Variants in ADAMTS9 observed in about 807,000 individuals in gnomAD.
ADAMTS9 encodes A disintegrin and metalloproteinase with thrombospondin motifs 9.
Under a neutral mutation model 257.1 loss-of-function variants are expected in ADAMTS9, and 107 were observed. The observed-to-expected ratio is 0.42, with a 90% CI of 0.36 to 0.49. The LOEUF (loss-of-function observed/expected upper bound fraction) is 0.49, where lower values mean the gene tolerates loss of function less well. ADAMTS9 is among the 20% of genes least tolerant of loss of function. ADAMTS9 has a pLI of 0.03. For synonymous variants in ADAMTS9, 982 were observed against 880.9 expected (o/e 1.11, Z -2.03); for missense variants, 2,353 against 2,469.1 (o/e 0.95, Z 1.00).
At chr3:64,583,623 C>T (rs2084060615) in intron 28 of ADAMTS9, 1 of 152,200 alleles carries the variant, frequency 6.6e-6, no homozygotes, top group African/African-American at 2.4e-5. Flanking sequence ...ATTGTAACAA[C>T]CAAAACTGTC....
chr3:64,672,483 G>C (rs906505961), intron 3 of ADAMTS9, among the ~76,000 whole-genome samples: 2 of 152,158 alleles, frequency 1.3e-5, no homozygotes, highest in Non-Finnish European at 2.9e-5. Context: ...AGGAGTTTGA[G>C]ACAAGCCTGG....
intron 19 of ADAMTS9, among the ~76,000 whole-genome samples, chr3:64,616,465 T>C (rs1320272985): frequency 6.6e-6 from 1 of 152,220 alleles, no homozygotes; most frequent in Admixed American, 6.5e-5. Flanking sequence ...GAAAACATTT[T>C]TTTCAAGTGT....
chr3:64,633,036 C>T (rs564587553), intron 14 of ADAMTS9, among the ~76,000 whole-genome samples: 3 of 152,206 alleles, frequency 2.0e-5, no homozygotes, highest in Non-Finnish European at 2.9e-5. Flanking sequence ...TAAAAATGAT[C>T]GTGGTTAAAA....
intron 28 of ADAMTS9, among the ~76,000 whole-genome samples, chr3:64,591,773 C>T (rs1276120189): frequency 6.6e-6 from 1 of 152,180 alleles, no homozygotes; most frequent in Non-Finnish European, 1.5e-5. Context: ...GCAGCAGTTG[C>T]TTCTTGACAT....
chr3:64,671,734 A>T (rs1701494208), intron 3 of ADAMTS9, among the ~76,000 whole-genome samples: 1 of 152,162 alleles, frequency 6.6e-6, no homozygotes, highest in Admixed American at 6.5e-5. Context: ...ACCACATCAG[A>T]TCTTGCATTT....
chr3:64,579,810 T>C (rs1247023426), intron 28 of ADAMTS9, among the ~76,000 whole-genome samples: 1 of 152,202 alleles, frequency 6.6e-6, no homozygotes, highest in Non-Finnish European at 1.5e-5. Context: ...GTCTCTTATA[T>C]CCATTCAGTC....
chr3:64,545,962 G>T (rs907664334), intron 32 of ADAMTS9, among the ~76,000 whole-genome samples: 1 of 152,018 alleles, frequency 6.6e-6, no homozygotes, highest in African/African-American at 2.4e-5. Flanking sequence ...AGTCTTCCAG[G>T]GCAGTCCCAA....
chr3:64,622,240 T>C lies in ADAMTS9; in HGVS notation c.2644A>G (p.Asn882Asp). The C allele has an allele frequency of 6.2e-7, 1 of 1,614,026 alleles. No individual in the cohort carries two copies. Among genetic ancestry groups the C allele is most frequent in the Non-Finnish European group, 8.5e-7 (1 of 1,179,960 alleles). The change falls in exon 18 of 40, where the codon AAC becomes GAC. Residue 882 changes from asparagine to aspartate, a missense_variant. Coordinates refer to ENST00000498707, the MANE Select transcript of ADAMTS9 (RefSeq NM_182920.2). Reference sequence around the variant, plus strand: ...CATGCTTGCCATGGCCCATGACTGTTCCAGTAAAACTGCTGAGGTTTATCT... The same window carrying C: ...CATGCTTGCCATGGCCCATGACTGTCCCAGTAAAACTGCTGAGGTTTATCT... ...IEDKPQQFYW[N>D]SHGPWQACSK...
chr3:64,627,952 T>C (rs1457062118), intron 16 of ADAMTS9, among the ~76,000 whole-genome samples: 1 of 152,190 alleles, frequency 6.6e-6, no homozygotes, highest in Non-Finnish European at 1.5e-5. Context: ...AGTAAATATT[T>C]ACATATGCCA....
At position 64,686,768 on chromosome 3, in the gene ADAMTS9, C is replaced by T. The variant is rs527419301; in HGVS notation, c.316G>A (p.Gly106Ser). 1 of 1,613,994 alleles carries T rather than the reference C, an allele frequency of 6.2e-7. No homozygotes were observed. Among genetic ancestry groups the T allele is most frequent in the East Asian group, 2.2e-5 (1 of 44,850 alleles). Residue 106 changes from glycine (G) to serine (S), a missense_variant, in exon 2 of 40, where the codon GGC (glycine) becomes AGC (serine). By Grantham distance (56) the Gly-to-Ser change is moderately conservative. Coordinates refer to ENST00000498707, the MANE Select transcript of ADAMTS9 (RefSeq NM_182920.2). This position sits in a 1 kb window ranked among gnomAD's most constrained non-coding sequence, Gnocchi z 4.6. ...GTGAGATTAAATAGAAACTGCTGGCCGAAGGCAGAGAGGCGGTAATGCGCC... is the reference window on the plus strand; with the variant it reads ...GTGAGATTAAATAGAAACTGCTGGCTGAAGGCAGAGAGGCGGTAATGCGCC... Reference protein sequence around the residue: ...SQAHYRLSAFGQQFLFNLTAN... With the variant: ...SQAHYRLSAFSQQFLFNLTAN...
At chr3:64,649,935 G>A in intron 9 of ADAMTS9, 157 bp from the exon 10 acceptor site, 1 of 943,426 alleles carries the variant, frequency 1.1e-6, no homozygotes, top group Non-Finnish European at 1.5e-6. Flanking sequence ...AAATCCAGAT[G>A]CTGAAGTTAC....
At chr3:64,639,299 T>TTTTTG (rs1319333593) in intron 12 of ADAMTS9, among the ~76,000 whole-genome samples, 3 of 144,296 alleles carry the variant, frequency 2.1e-5, no homozygotes, top group South Asian at 2.2e-4. Context: ...GATTGTTTTT[T>TTTTTG]TTTTTTTTTT....
At chr3:64,567,696 C>A (rs2083577000) in intron 29 of ADAMTS9, among the ~76,000 whole-genome samples, 1 of 152,002 alleles carries the variant, frequency 6.6e-6, no homozygotes, top group South Asian at 2.1e-4. Context: ...CTTGGGTACT[C>A]ACACCCTTCT....
Position 64,604,347 on chromosome 3 carries a change from G to GAAAA in ADAMTS9, c.3475-20_3475-17dup. On this transcript the variant is annotated splice_polypyrimidine_tract_variant and intron_variant, in intron 23 of 39. Transcript: ENST00000498707. The stretch of plus-strand genomic sequence containing the variant: ...ATTCACAGTCCTAGACGTGATGGGG[G>GAAAA]AAAAAAAAACAAAGTCACTTTCAAG... 6.8e-7 allele frequency: 1 copy of GAAAA among 1,469,232 alleles called. No homozygotes were observed. The highest frequency in any genetic ancestry group is 1.4e-5 in the African/African-American group (1 of 69,280). The allele number at this position is 1,469,232 out of a possible 1,614,324, so 91.0% of individuals were successfully genotyped here.
intron 38 of ADAMTS9, among the ~76,000 whole-genome samples, chr3:64,525,087 T>A (rs1291961836): frequency 1.3e-5 from 2 of 152,228 alleles, no homozygotes; most frequent in East Asian, 1.9e-4. Context: ...GTCTTCCTAC[T>A]GGAATGTCAG....
chr3:64,594,210 T>C, intron 28 of ADAMTS9, 48 bp downstream of exon 28: 1 of 1,563,456 alleles, frequency 6.4e-7, no homozygotes, highest in Non-Finnish European at 8.7e-7. Context: ...CCAGAATACC[T>C]TGGAATTAGA....
chr3:64,551,023 C>T lies in ADAMTS9; in HGVS notation c.4738G>A (p.Val1580Met). 6.2e-7 allele frequency: 1 copy of T among 1,614,216 alleles called. No individual in the cohort carries two copies. The highest frequency in any genetic ancestry group is 8.5e-7 in the Non-Finnish European group (1 of 1,180,034). Residue 1580 changes from valine (V) to methionine (M), a missense_variant, in exon 31 of 40, where the codon GTG becomes ATG. Physicochemically the swap from Val to Met is conservative, Grantham distance 21. Transcript: ENST00000498707. The stretch of plus-strand genomic sequence containing the variant: ...TTTTTGTTGTCATCCACACACACCA[C>T]CTTGCGGTACCTGGAGCCTTCGCCG... ...TCGEGSRYRK[V>M]VCVDDNKNEV...
chr3:64,612,866 C>A (rs1359478600), intron 22 of ADAMTS9, among the ~76,000 whole-genome samples: 2 of 152,104 alleles, frequency 1.3e-5, no homozygotes, highest in African/African-American at 2.4e-5. Context: ...GGTTTTGCAA[C>A]CTTTGATCTA....
At chr3:64,595,048 A>G (rs2084338984) in intron 27 of ADAMTS9, among the ~76,000 whole-genome samples, 1 of 151,502 alleles carries the variant, frequency 6.6e-6, no homozygotes, top group African/African-American at 2.4e-5. Flanking sequence ...CGGCCTCCCA[A>G]CAAAGATTCT....
Sources: allele counts gnomAD v4.1 joint callset (sites outside exome capture counted in the v4.1 genomes callset), GRCh38; gene constraint gnomAD v4.1.1; non-coding constraint Gnocchi (gnomAD v3.1); transcripts MANE v1.5; gene names NCBI Gene and HGNC (gene_info 2026-07-23, HGNC 2026-07-21).